GNAL: variants seen among roughly 807,000 people sequenced by gnomAD.
The protein encoded by GNAL is guanine nucleotide-binding protein G(olf) subunit alpha.
Under a neutral mutation model 55.1 loss-of-function variants are expected in GNAL, and 18 were observed. The observed-to-expected ratio is 0.33, with a 90% confidence interval of 0.23 to 0.48. The LOEUF is 0.48. GNAL is among the 20% of genes least tolerant of loss of function. The pLI is 0.99. For missense variants in GNAL, 412 were observed against 614.1 expected (o/e 0.67, Z 3.48); for synonymous variants, 253 against 237.0 (o/e 1.07, Z -0.62).
At chr18:11,719,736 T>C (rs567103284) in intron 1 of GNAL, among the ~76,000 whole-genome samples, 2 of 150,652 alleles carry the variant, frequency 1.3e-5, no homozygotes, top group East Asian at 3.9e-4. Context: ...CAGGCTGTCA[T>C]GGACAGTGCA....
chr18:11,877,176 G>A (rs770200562), intron 11 of GNAL, among the ~76,000 whole-genome samples: 122 of 152,186 alleles, frequency 8.0e-4, no homozygotes, highest in Non-Finnish European at 1.4e-3. Context: ...TACTCAGGCC[G>A]GGTGCGGTGG....
chr18:11,765,573 A>G (rs577542752), intron 4 of GNAL, among the ~76,000 whole-genome samples: 3 of 152,054 alleles, frequency 2.0e-5, no homozygotes, highest in African/African-American at 4.8e-5. Flanking sequence ...CCTCCCCACT[A>G]TTCTTCCCAG....
At chr18:11,840,060 C>G (rs1382549560) in intron 5 of GNAL, among the ~76,000 whole-genome samples, 1 of 152,196 alleles carries the variant, frequency 6.6e-6, no homozygotes, top group Non-Finnish European at 1.5e-5. Context: ...CACATAATAA[C>G]TAGGATCCAT....
At chr18:11,694,230 C>G (rs1314381195) in intron 1 of GNAL, among the ~76,000 whole-genome samples, 1 of 152,032 alleles carries the variant, frequency 6.6e-6, no homozygotes, top group Non-Finnish European at 1.5e-5. Flanking sequence ...GAAGACCTTC[C>G]CATAGTCCTC....
chr18:11,805,843 C>A (rs1421412426), intron 4 of GNAL, among the ~76,000 whole-genome samples: 1 of 152,106 alleles, frequency 6.6e-6, no homozygotes, highest in Non-Finnish European at 1.5e-5. Flanking sequence ...ATAATGATTT[C>A]TTTTCCTTTG....
In GNAL at chr18:11,872,293, T is replaced by C. The variant is rs2036416181; in HGVS notation, c.1057T>C (p.Leu353=). 2 of 1,582,932 alleles carry C rather than the reference T, an allele frequency of 1.3e-6. No individual in the cohort carries two copies. The highest frequency in any genetic ancestry group is 2.8e-5 in the African/African-American group (2 of 72,592). Residue 353 remains leucine (L), a synonymous_variant, in exon 10 of 12, where the codon TTG becomes CTG. Coordinates refer to ENST00000334049, the MANE Select transcript of GNAL (RefSeq NM_182978.4). ...GTGGTTACGGACCATTTCTATCATC[T>C]TGTTCTTGAACAAACAAGATATGCT... ...NRWLRTISII[L]FLNKQDMLAE...
chr18:11,716,587 G>A (rs2031971299), intron 1 of GNAL, among the ~76,000 whole-genome samples: 2 of 152,276 alleles, frequency 1.3e-5, no homozygotes, highest in South Asian at 4.1e-4. Context: ...TGTTTTGACT[G>A]GGTGCTGATT....
chr18:11,702,673 G>A (rs967286756), intron 1 of GNAL, among the ~76,000 whole-genome samples: 14 of 152,054 alleles, frequency 9.2e-5, no homozygotes, highest in Non-Finnish European at 1.6e-4. Context: ...GACCCTGTGC[G>A]GGAGACAAAG....
At chr18:11,762,671 G>A (rs943540000) in intron 4 of GNAL, among the ~76,000 whole-genome samples, 6 of 152,200 alleles carry the variant, frequency 3.9e-5, no homozygotes, top group Admixed American at 6.5e-5. Flanking sequence ...AGAGTCCTGC[G>A]AGCCTGGCCA....
intron 4 of GNAL, among the ~76,000 whole-genome samples, chr18:11,793,784 G>A (rs538682012): frequency 7.3e-5 from 11 of 151,452 alleles, no homozygotes; most frequent in East Asian, 1.9e-4. Context: ...TTAGCTGGGC[G>A]TGGTGGCACG....
intron 4 of GNAL, among the ~76,000 whole-genome samples, chr18:11,819,569 C>A (rs2035041413): frequency 6.6e-6 from 1 of 151,912 alleles, no homozygotes; most frequent in Admixed American, 6.6e-5. Flanking sequence ...GATCACATGG[C>A]AATTCTCATA....
At chr18:11,763,085 T>G (rs2033295365) in intron 4 of GNAL, among the ~76,000 whole-genome samples, 1 of 152,252 alleles carries the variant, frequency 6.6e-6, no homozygotes, top group Admixed American at 6.5e-5. Context: ...CTTTGCAATA[T>G]TATCATAAGA....
intron 1 of GNAL, among the ~76,000 whole-genome samples, chr18:11,723,077 C>T (rs956355450): frequency 4.9e-5 from 7 of 143,298 alleles, no homozygotes; most frequent in African/African-American, 1.8e-4. Context: ...CCAGCTACTC[C>T]AGAGGCTAAG....
chr18:11,694,540 G>A (rs1273224722), intron 1 of GNAL, among the ~76,000 whole-genome samples: 1 of 152,184 alleles, frequency 6.6e-6, no homozygotes, highest in Non-Finnish European at 1.5e-5. Context: ...AGGTGGGATG[G>A]AACTTTCCAG....
At position 11,804,776 on chromosome 18, in the gene GNAL, A is replaced by G. The variant is rs199909609; in HGVS notation, c.625-20142A>G. ...AGTGGTGAAGTACAGGTGCAGTTTG[A>G]GTGGAACACGGAGATACTGTGTAGT... On this transcript the variant is annotated intron_variant, in intron 4 of 11. Transcript: ENST00000334049. Among the ~76,000 whole-genome samples, 188 of 79,512 alleles carry G rather than the reference A, an allele frequency of 2.4e-3. 3 individuals are homozygous for G. Among genetic ancestry groups the G allele is most frequent in the African/African-American group, 8.3e-3 (102 of 12,360 alleles). 52.2% of individuals were successfully genotyped at this position (79,512 alleles called of 152,430 possible). A position where few individuals can be genotyped will look rare whatever the true frequency, so the allele number is the denominator to read the frequency against.
At chr18:11,728,599 C>T (rs997255442) in intron 1 of GNAL, among the ~76,000 whole-genome samples, 3 of 152,080 alleles carry the variant, frequency 2.0e-5, no homozygotes, top group African/African-American at 7.2e-5. Flanking sequence ...TGTTCTTGTC[C>T]CAAACCTCAA....
intron 4 of GNAL, among the ~76,000 whole-genome samples, chr18:11,782,842 T>A (rs1319843880): frequency 6.6e-6 from 1 of 152,236 alleles, no homozygotes; most frequent in Non-Finnish European, 1.5e-5. Flanking sequence ...AGGAAAAATG[T>A]ACATAGATGC....
intron 5 of GNAL, among the ~76,000 whole-genome samples, chr18:11,826,973 A>G (rs2035262084): frequency 6.6e-6 from 1 of 152,158 alleles, no homozygotes; most frequent in Admixed American, 6.5e-5. Context: ...GTTCAGCTTC[A>G]GACAAGGAAG....
At position 11,800,396 on chromosome 18, in the gene GNAL, A is replaced by T. The variant is rs138058238; in HGVS notation, c.625-24522A>T. On this transcript the variant is annotated intron_variant, in intron 4 of 11. Transcript: ENST00000334049. ...ATTGGGAGAATTGCTGAACATGTAC[A>T]TTGCTTATTATCCTCTCACTGGTCA... Among the ~76,000 whole-genome samples the T allele has an allele frequency of 2.6e-5, 4 of 152,360 alleles. No individual in the cohort carries two copies. The East Asian group carries it at 7.7e-4, about 29-fold the overall frequency.
Sources: gnomAD v4.1 joint callset for allele counts (sites outside exome capture counted in the v4.1 genomes callset) on GRCh38, gnomAD v4.1.1 for gene constraint, MANE v1.5 for transcripts, NCBI Gene and HGNC (gene_info 2026-07-23, HGNC 2026-07-21) for gene names.